APLF: variants seen among roughly 807,000 people sequenced by gnomAD.
APLF encodes the protein aprataxin and PNK-like factor.
APLF carries 61 observed loss-of-function variants against 55.6 expected under a neutral mutation model. The ratio of observed to expected loss-of-function variants is 1.10; its 90% CI spans 0.89 to 1.36. The LOEUF (loss-of-function observed/expected upper bound fraction) is 1.36. APLF is among the 40% of genes most tolerant of loss of function. The pLI is 0.00. For missense variants in APLF, 611 were observed against 602.5 expected, an observed-to-expected ratio of 1.01 and a Z score of -0.15; for synonymous variants, 207 against 214.8, an observed-to-expected ratio of 0.96 and a Z score of 0.32.
intron 1 of APLF, among the ~76,000 whole-genome samples, chr2:68,483,101 A>G (rs893885497): frequency 6.6e-6 from 1 of 152,060 alleles, no homozygotes; most frequent in African/African-American, 2.4e-5. Flanking sequence ...CACAGTGGCT[A>G]TTGGCCCCCA....
chr2:68,521,041 T>C (rs991287564), intron 5 of APLF, among the ~76,000 whole-genome samples: 4 of 151,982 alleles, frequency 2.6e-5, no homozygotes, highest in Admixed American at 6.6e-5. Context: ...ACCTCCTTGG[T>C]TAGGTATATT....
intron 5 of APLF, among the ~76,000 whole-genome samples, chr2:68,516,242 A>G (rs912071047): frequency 6.6e-5 from 10 of 151,554 alleles, no homozygotes; most frequent in African/African-American, 1.9e-4. Context: ...AAGGCATATC[A>G]CTGTATAGCT....
chr2:68,486,123 C>T (rs1053322268), intron 1 of APLF, among the ~76,000 whole-genome samples: 25 of 152,004 alleles, frequency 1.6e-4, no homozygotes, highest in Non-Finnish European at 2.1e-4. Flanking sequence ...GTTTCTCTGT[C>T]CTTCTGACAT....
intron 1 of APLF, among the ~76,000 whole-genome samples, chr2:68,479,189 A>G (rs1003321871): frequency 5.9e-5 from 9 of 152,210 alleles, no homozygotes; most frequent in Admixed American, 5.2e-4. Flanking sequence ...TACTCTATGG[A>G]AAAGATTGTC....
chr2:68,555,464 G>A (rs1178610364), intron 8 of APLF, among the ~76,000 whole-genome samples: 1 of 151,844 alleles, frequency 6.6e-6, no homozygotes, highest in Non-Finnish European at 1.5e-5. Flanking sequence ...AAATTAGCAA[G>A]AAAAAACAAG....
intron 2 of APLF, among the ~76,000 whole-genome samples, chr2:68,502,194 A>T (rs1676742792): frequency 6.6e-6 from 1 of 152,150 alleles, no homozygotes; most frequent in Non-Finnish European, 1.5e-5. Flanking sequence ...ACTTGTCAAC[A>T]CTGTTGCCTT....
intron 5 of APLF, chr2:68,515,706 C>T: frequency 1.0e-6 from 1 of 983,734 alleles, no homozygotes; most frequent in Non-Finnish European, 1.2e-6. Flanking sequence ...GCTAAAGCTT[C>T]AAAATAAGAT....
intron 3 of APLF, among the ~76,000 whole-genome samples, chr2:68,506,897 G>T (rs1437223754): frequency 6.6e-6 from 1 of 151,804 alleles, no homozygotes; most frequent in Non-Finnish European, 1.5e-5. Context: ...ACCCAAAAAG[G>T]TTATAAACAT....
chr2:68,534,349 A>T (rs1428571498), intron 6 of APLF, among the ~76,000 whole-genome samples: 1 of 152,190 alleles, frequency 6.6e-6, no homozygotes, highest in Admixed American at 6.5e-5. Context: ...AGCGTTAGTC[A>T]GTGTTAATGG....
intron 1 of APLF, among the ~76,000 whole-genome samples, chr2:68,468,280 A>G (rs1412522746): frequency 6.6e-6 from 1 of 152,206 alleles, no homozygotes; most frequent in Non-Finnish European, 1.5e-5. Flanking sequence ...CCAAACTGTG[A>G]TATTACGTCT....
In APLF at chr2:68,537,988, T is replaced by C. The variant is rs570083720; in HGVS notation, c.921T>C (p.His307=). ...PIEELGKVSK[H]KIATKRTPHK... is the part of the protein sequence containing the mutation. ...AGGAACTTGGTAAAGTTTCTAAACA[T>C]AAAATTGCCACTAAAAGAACACCAC... The change falls in exon 7 of 10, where the codon CAT becomes CAC. Residue 307 remains histidine (H), a synonymous_variant. Transcript: ENST00000303795. The C allele has an allele frequency of 6.2e-7, 1 of 1,613,642 alleles. No individual in the cohort carries two copies. Among genetic ancestry groups the C allele is most frequent in the African/African-American group, 1.3e-5 (1 of 75,010 alleles).
rs1181485572 is a variant in APLF at position 68,513,096 on chromosome 2, G to C, written c.358G>C (p.Asp120His). 6.2e-7 allele frequency: 1 copy of C among 1,607,034 alleles called. No homozygotes were observed. Among genetic ancestry groups the C allele is most frequent in the South Asian group, 1.1e-5 (1 of 89,938 alleles). ...QCTLRNSQVLDEDNILNETPK... is the reference protein window; with the variant it reads ...QCTLRNSQVLHEDNILNETPK... ...ATCTTATAGAAACAGTCAAGTGCTT[G>C]ATGAAGATAATATATTGAATGAAAC... Residue 120 changes from aspartate to histidine, a missense_variant, in exon 4 of 10, where the codon GAT becomes CAT. By Grantham distance (81) the Asp-to-His change is moderately conservative. Transcript: ENST00000303795.
chr2:68,518,070 C>T (rs951782530), intron 5 of APLF, among the ~76,000 whole-genome samples: 1 of 128,256 alleles, frequency 7.8e-6, no homozygotes, highest in Non-Finnish European at 1.6e-5. Flanking sequence ...TATAATATAT[C>T]ATTAGTATAT....
intron 9 of APLF, among the ~76,000 whole-genome samples, chr2:68,571,514 G>A (rs1250317559): frequency 1.3e-5 from 2 of 151,976 alleles, no homozygotes; most frequent in East Asian, 3.9e-4. Context: ...TCTACATATG[G>A]CTAGCCAGTT....
chr2:68,549,624 C>T (rs1241294749), intron 8 of APLF, among the ~76,000 whole-genome samples: 1 of 152,022 alleles, frequency 6.6e-6, no homozygotes, highest in African/African-American at 2.4e-5. Context: ...TCTCTAGTTG[C>T]TGGAAGTAAG....
At chr2:68,498,000 G>A (rs1676609879) in intron 2 of APLF, among the ~76,000 whole-genome samples, 1 of 152,026 alleles carries the variant, frequency 6.6e-6, no homozygotes, top group African/African-American at 2.4e-5. Flanking sequence ...ATAGATTGAT[G>A]TATTTATTCA....
intron 5 of APLF, among the ~76,000 whole-genome samples, chr2:68,519,194 AATAT>A (rs1669814715): frequency 7.2e-6 from 1 of 139,460 alleles, no homozygotes; most frequent in South Asian, 2.1e-4. Context: ...ATATATTTAT[AATAT>A]ATAAATATAT....
intron 8 of APLF, among the ~76,000 whole-genome samples, chr2:68,563,717 A>G (rs1338205399): frequency 6.6e-6 from 1 of 152,082 alleles, no homozygotes; most frequent in Admixed American, 6.6e-5. Context: ...GCATTTCTAA[A>G]GCAGCTTTTG....
At chr2:68,496,123 A>G (rs755986425) in intron 2 of APLF, among the ~76,000 whole-genome samples, 1 of 152,114 alleles carries the variant, frequency 6.6e-6, no homozygotes, top group Non-Finnish European at 1.5e-5. Flanking sequence ...GTTTTTTGAG[A>G]TGGAGTCTTG....
Sources: gnomAD v4.1 joint callset for allele counts (sites outside exome capture counted in the v4.1 genomes callset) on GRCh38, gnomAD v4.1.1 for gene constraint, MANE v1.5 for transcripts, NCBI Gene and HGNC (gene_info 2026-07-23, HGNC 2026-07-21) for gene names.